CD82: variants seen among roughly 807,000 people sequenced by gnomAD.
CD82 encodes the protein CD82 antigen.
A neutral mutation model predicts 37.4 loss-of-function variants in CD82; 36 were observed. The observed-to-expected ratio is 0.96, with a 90% confidence interval of 0.74 to 1.27. CD82 has a LOEUF of 1.27. Among genes scored for constraint, CD82 ranks in the 50% most tolerant of loss-of-function variants. CD82 has a pLI of 0.00. For synonymous variants in CD82, 158 were observed against 137.4 expected (o/e 1.15, Z -1.05); for missense variants, 340 against 347.0 (o/e 0.98, Z 0.16).
At chr11:44,582,900 C>G (rs1203533783) in intron 1 of CD82, among the ~76,000 whole-genome samples, 1 of 152,234 alleles carries the variant, frequency 6.6e-6, no homozygotes, top group Non-Finnish European at 1.5e-5. Context: ...AATAGGTATA[C>G]TTCTCAACGT....
chr11:44,595,314 C>T (rs1429158964), intron 3 of CD82, among the ~76,000 whole-genome samples: 3 of 152,188 alleles, frequency 2.0e-5, no homozygotes, highest in Non-Finnish European at 2.9e-5. Flanking sequence ...TGCTGGTTTT[C>T]CTGGGGCCTC....
intron 6 of CD82, among the ~76,000 whole-genome samples, chr11:44,612,050 C>T (rs1033546972): frequency 6.6e-6 from 1 of 152,200 alleles, no homozygotes; most frequent in African/African-American, 2.4e-5. Context: ...TCTAGAGAGC[C>T]CCTCCTTTCC....
At chr11:44,577,994 G>A (rs752283759) in intron 1 of CD82, among the ~76,000 whole-genome samples, 1 of 152,158 alleles carries the variant, frequency 6.6e-6, no homozygotes, top group Non-Finnish European at 1.5e-5. Context: ...CCCTGGGCAC[G>A]TTACTAACCC....
intron 1 of CD82, among the ~76,000 whole-genome samples, chr11:44,571,322 A>G (rs1189807023): frequency 6.6e-6 from 1 of 152,180 alleles, no homozygotes; most frequent in Non-Finnish European, 1.5e-5. Context: ...AGCCTGGGCA[A>G]GATCACAGAC....
chr11:44,599,888 G>A (rs1853282170), intron 3 of CD82, among the ~76,000 whole-genome samples: 1 of 152,242 alleles, frequency 6.6e-6, no homozygotes, highest in Non-Finnish European at 1.5e-5. Flanking sequence ...CCCCTGGCAG[G>A]AGGCTGCACC....
intron 6 of CD82, among the ~76,000 whole-genome samples, chr11:44,612,993 G>T (rs563244191): frequency 6.6e-6 from 1 of 152,068 alleles, no homozygotes; most frequent in Admixed American, 6.5e-5. Flanking sequence ...AGGTCCATCT[G>T]CAGGATATGG....
intron 6 of CD82, among the ~76,000 whole-genome samples, chr11:44,608,373 G>C (rs1157202171): frequency 6.6e-6 from 1 of 152,118 alleles, no homozygotes; most frequent in Non-Finnish European, 1.5e-5. Context: ...TGGGGACCTT[G>C]GCATGGCCTG....
At chr11:44,607,574 A>G (rs1723814908) in intron 6 of CD82, among the ~76,000 whole-genome samples, 1 of 152,240 alleles carries the variant, frequency 6.6e-6, no homozygotes, top group Non-Finnish European at 1.5e-5. Flanking sequence ...GTGATTCACC[A>G]TCTCACAGTA....
rs1852967667 is a variant in CD82 at position 44,580,675 on chromosome 11, T to C, written c.-102-6800T>C. On this transcript the variant is annotated intron_variant, in intron 1 of 9. Coordinates refer to ENST00000227155, the MANE Select transcript of CD82 (RefSeq NM_002231.4). ...TTGCAGTGAGCCAAGATCATGCCAC[T>C]GCACTCCAGCCTGGGTGACAGAGTG... Among the ~76,000 whole-genome samples the C allele has an allele frequency of 2.0e-5, 3 of 152,272 alleles. No homozygotes were observed. The South Asian group carries it at 6.2e-4, about 32-fold the overall frequency.
intron 6 of CD82, among the ~76,000 whole-genome samples, chr11:44,610,958 C>T (rs1232461311): frequency 6.6e-6 from 1 of 152,082 alleles, no homozygotes; most frequent in Non-Finnish European, 1.5e-5. Flanking sequence ...CCTCAGCCTC[C>T]CAAGTAGCTG....
chr11:44,610,150 C>A (rs1373125011), intron 6 of CD82, among the ~76,000 whole-genome samples: 1 of 152,186 alleles, frequency 6.6e-6, no homozygotes, highest in Non-Finnish European at 1.5e-5. Flanking sequence ...GGCAAGAGGT[C>A]TGCACAGCAC....
At chr11:44,582,135 CT>C (rs753942594) in intron 1 of CD82, among the ~76,000 whole-genome samples, 11 of 152,288 alleles carry the variant, frequency 7.2e-5, no homozygotes, top group African/African-American at 2.2e-4. Flanking sequence ...ACTGTCCCCC[CT>C]GTGTGACCAG....
intron 6 of CD82, among the ~76,000 whole-genome samples, chr11:44,613,684 A>G (rs1487431572): frequency 6.6e-6 from 1 of 152,080 alleles, no homozygotes; most frequent in African/African-American, 2.4e-5. Context: ...TTAGCCGGGC[A>G]TGGTGACTCA....
chr11:44,587,247 C>G lies in CD82; in HGVS notation c.-102-228C>G, dbSNP rs561489499. Reference sequence around the variant, plus strand: ...AAAGAGTAATTCTGGCAGAGAAACCCTTTTGCAAAGGCCCTCAGGTAGGTA... The same window carrying G: ...AAAGAGTAATTCTGGCAGAGAAACCGTTTTGCAAAGGCCCTCAGGTAGGTA... On this transcript the variant is annotated intron_variant, in intron 1 of 9. Coordinates refer to ENST00000227155, the MANE Select transcript of CD82 (RefSeq NM_002231.4). The G allele has an allele frequency of 2.0e-4, 69 of 345,946 alleles. No homozygotes were observed. The Middle Eastern group carries it at 4.0e-3, about 20-fold the overall frequency. The allele number at this position is 345,946 out of a possible 1,614,324, so 21.4% of individuals were successfully genotyped here. A position where few individuals can be genotyped will look rare whatever the true frequency, so the allele number is the denominator to read the frequency against.
chr11:44,570,282 T>C (rs1352920314), intron 1 of CD82, among the ~76,000 whole-genome samples: 1 of 151,958 alleles, frequency 6.6e-6, no homozygotes, highest in East Asian at 1.9e-4. Context: ...TCCTCTGTGC[T>C]TGGCTGCCTT....
chr11:44,616,200 A>C (rs1373981877), intron 7 of CD82, among the ~76,000 whole-genome samples: 1 of 152,078 alleles, frequency 6.6e-6, no homozygotes, highest in African/African-American at 2.4e-5. Flanking sequence ...CGGCACCAGG[A>C]GAGTTTGCAG....
Position 44,597,828 on chromosome 11 carries a change from G to A in CD82, c.64-2330G>A, listed in dbSNP as rs1019116462. Among the ~76,000 whole-genome samples, 4 of 152,128 alleles carry A rather than the reference G, an allele frequency of 2.6e-5. No homozygotes were observed. The highest frequency in any genetic ancestry group is 4.4e-5 in the Non-Finnish European group (3 of 68,016). The stretch of plus-strand genomic sequence containing the variant: ...CCCCTGCCTCGCTGTGCTGTGGGGT[G>A]GTTGTGGGCTGGGTAGGGTTGCAGG... On this transcript the variant is annotated intron_variant, in intron 3 of 9. Transcript: ENST00000227155. The surrounding 1 kb of genome is among the most constrained non-coding windows in gnomAD (Gnocchi z 4.1).
At position 44,591,400 on chromosome 11, in the gene CD82, A is replaced by G. The variant is rs1411931333; in HGVS notation, c.-20-3243A>G. Among the ~76,000 whole-genome samples, 5 of 152,312 alleles carry G rather than the reference A, an allele frequency of 3.3e-5. No homozygotes were observed. In the East Asian group the frequency reaches 9.7e-4, roughly 29 times the overall value. On this transcript the variant is annotated intron_variant, in intron 2 of 9. Transcript: ENST00000227155. ...ACCAAGGGACCAGCCAAGCTTGCCC[A>G]GGGTCTGGAATATCATGGGAATACC... is the stretch of plus-strand genomic sequence containing the variant.
intron 1 of CD82, among the ~76,000 whole-genome samples, chr11:44,578,214 C>T (rs1361570229): frequency 7.2e-6 from 1 of 139,558 alleles, no homozygotes; most frequent in Non-Finnish European, 1.6e-5. Context: ...CCTCTGGACA[C>T]CCAGAGGCTC....
Sources: allele counts gnomAD v4.1 joint callset (sites outside exome capture counted in the v4.1 genomes callset), GRCh38; gene constraint gnomAD v4.1.1; non-coding constraint Gnocchi (gnomAD v3.1); transcripts MANE v1.5; gene names NCBI Gene and HGNC (gene_info 2026-07-23, HGNC 2026-07-21).